Variants in ATP9B observed in about 807,000 individuals in gnomAD.
The protein encoded by ATP9B is ATPase phospholipid transporting 9B, also known as probable phospholipid-transporting ATPase IIB.
A neutral mutation model predicts 146.1 loss-of-function variants in ATP9B; 110 were observed. The observed-to-expected ratio is 0.75, with a 90% CI of 0.65 to 0.88. The LOEUF (loss-of-function observed/expected upper bound fraction) is 0.88. ATP9B is among the 40% of genes least tolerant of loss of function. ATP9B has a pLI of 0.00. For missense variants in ATP9B, 1,499 were observed against 1,496.4 expected, an observed-to-expected ratio of 1.00 and a Z score of -0.03; for synonymous variants, 604 against 569.7, an observed-to-expected ratio of 1.06 and a Z score of -0.86.
chr18:79,343,377 A>G (rs1326259504), intron 20 of ATP9B, among the ~76,000 whole-genome samples: 2 of 152,214 alleles, frequency 1.3e-5, no homozygotes, highest in African/African-American at 2.4e-5. Context: ...GACTATTAAT[A>G]TATCATTTCT....
At chr18:79,196,879 A>G (rs1393576708) in intron 9 of ATP9B, among the ~76,000 whole-genome samples, 3 of 152,236 alleles carry the variant, frequency 2.0e-5, no homozygotes, top group South Asian at 2.1e-4. Context: ...ATAAGATAAT[A>G]AAGTCCGTCA....
chr18:79,114,546 G>A (rs954948361), intron 4 of ATP9B, among the ~76,000 whole-genome samples: 1 of 152,146 alleles, frequency 6.6e-6, no homozygotes, highest in South Asian at 2.1e-4. Flanking sequence ...AGGCTTTCCT[G>A]TTTACCTGTT....
chr18:79,099,261 T>G lies in ATP9B; in HGVS notation c.293+2612T>G, dbSNP rs151034382. On this transcript the variant is annotated intron_variant, in intron 2 of 29. Coordinates refer to ENST00000426216, the MANE Select transcript of ATP9B (RefSeq NM_198531.5). ...TTCTTGAGACGGAGTCTTGCTTTGT[T>G]GCCAGGCTGGAGTGCAGTGGTGTGA... 3.9e-3 allele frequency among the ~76,000 whole-genome samples: 591 copies of G among 152,266 alleles called. 3 individuals carry two copies. Among genetic ancestry groups the G allele is most frequent in the South Asian group, 0.025 (118 of 4,816 alleles).
At position 79,251,237 on chromosome 18, in the gene ATP9B, G is replaced by A. The variant is rs116761892; in HGVS notation, c.1108-2144G>A. Among the ~76,000 whole-genome samples the A allele has an allele frequency of 1.3e-3, 205 of 152,322 alleles. 4 individuals carry two copies. Among genetic ancestry groups the A allele is most frequent in the African/African-American group, 4.8e-3 (201 of 41,568 alleles). On this transcript the variant is annotated intron_variant, in intron 11 of 29. Transcript: ENST00000426216. Reference sequence around the variant, plus strand: ...GGGGCCGCCCCACCCCGCTGAATGCGGCATCCCGTCTGTGTTGGTCATGGA... The same window carrying A: ...GGGGCCGCCCCACCCCGCTGAATGCAGCATCCCGTCTGTGTTGGTCATGGA...
rs78504362 is a variant in ATP9B at position 79,234,032 on chromosome 18, T to G, written c.1108-19349T>G. ...AAGGAGGATTGGTCTTGCTCCCTCC[T>G]TGGACTCTTGCAGTTCAAACCCTTG... On this transcript the variant is annotated intron_variant, in intron 11 of 29. Coordinates refer to ENST00000426216, the MANE Select transcript of ATP9B (RefSeq NM_198531.5). Among the ~76,000 whole-genome samples the G allele has an allele frequency of 7.5e-3, 1,149 of 152,274 alleles. 14 individuals are homozygous for G. Among genetic ancestry groups the G allele is most frequent in the African/African-American group, 0.018 (738 of 41,566 alleles).
intron 7 of ATP9B, among the ~76,000 whole-genome samples, chr18:79,170,026 T>C (rs1291069305): frequency 6.6e-6 from 1 of 152,254 alleles, no homozygotes; most frequent in African/African-American, 2.4e-5. Flanking sequence ...CCCTTGTCTT[T>C]AATGCTTCCG....
chr18:79,226,135 C>T lies in ATP9B; in HGVS notation c.1107+12097C>T, dbSNP rs535966860. Reference sequence around the variant, plus strand: ...CAGTTCACGACAGTGGCCGCTCTGCCGCCCTCTCTTCCTGCTCCCTCCATC... The same window carrying T: ...CAGTTCACGACAGTGGCCGCTCTGCTGCCCTCTCTTCCTGCTCCCTCCATC... On this transcript the variant is annotated intron_variant, in intron 11 of 29. Coordinates refer to ENST00000426216, the MANE Select transcript of ATP9B (RefSeq NM_198531.5). Among the ~76,000 whole-genome samples, 66 of 152,318 alleles carry T rather than the reference C, an allele frequency of 4.3e-4. No homozygotes were observed. The Middle Eastern group carries it at 0.014, about 31-fold the overall frequency.
chr18:79,231,774 GTGTGTATATATATA>G (rs1341214457), intron 11 of ATP9B, among the ~76,000 whole-genome samples: 1 of 79,398 alleles, frequency 1.3e-5, no homozygotes, highest in Non-Finnish European at 2.8e-5. Context: ...AAATGTGTGT[GTGTGTATATATATA>G]TATATATATA....
chr18:79,289,684 C>T (rs928293796), intron 13 of ATP9B, among the ~76,000 whole-genome samples: 8 of 152,190 alleles, frequency 5.3e-5, no homozygotes, highest in South Asian at 2.1e-4. Context: ...GGAGGAGAGG[C>T]GCTCTGCTTT....
intron 12 of ATP9B, among the ~76,000 whole-genome samples, chr18:79,269,993 C>T (rs531275714): frequency 2.0e-5 from 3 of 152,188 alleles, no homozygotes; most frequent in African/African-American, 2.4e-5. Context: ...GGCCTTTAGC[C>T]GGCTCCTGTT....
chr18:79,206,329 C>T (rs2095533365), intron 9 of ATP9B, among the ~76,000 whole-genome samples: 2 of 152,196 alleles, frequency 1.3e-5, no homozygotes. Flanking sequence ...GAAGCATTTT[C>T]TCTGTCGTGA....
At chr18:79,236,101 C>A (rs574413540) in intron 11 of ATP9B, among the ~76,000 whole-genome samples, 131 of 152,272 alleles carry the variant, frequency 8.6e-4, no homozygotes, top group Non-Finnish European at 1.7e-3. Flanking sequence ...TTTTACTCTT[C>A]CCAGCCAAGC....
At chr18:79,373,839 T>C in intron 27 of ATP9B, 59 bp from the exon 28 acceptor site, 1 of 1,582,636 alleles carries the variant, frequency 6.3e-7, no homozygotes, top group South Asian at 1.1e-5. Flanking sequence ...CAAGGCTGTT[T>C]CCTCTAGCTG....
At chr18:79,073,496 C>T (rs923308497) in intron 1 of ATP9B, among the ~76,000 whole-genome samples, 10 of 152,198 alleles carry the variant, frequency 6.6e-5, no homozygotes, top group East Asian at 3.8e-4. Flanking sequence ...GGCGTGGCGG[C>T]GCGCGCCTGC....
chr18:79,337,227 C>T, intron 18 of ATP9B, 52 bp from the exon 19 acceptor site: 2 of 1,602,952 alleles, frequency 1.2e-6, no homozygotes, highest in East Asian at 2.2e-5. Flanking sequence ...CTGTGGAGTC[C>T]ACACACAGCA....
intron 9 of ATP9B, among the ~76,000 whole-genome samples, chr18:79,196,898 TTTAACATC>T (rs1160097966): frequency 6.6e-6 from 1 of 152,184 alleles, no homozygotes; most frequent in Non-Finnish European, 1.5e-5. Context: ...CATAGGAAAC[TTTAACATC>T]TACCTGCAGT....
At chr18:79,243,187 C>T (rs192657655) in intron 11 of ATP9B, among the ~76,000 whole-genome samples, 25 of 152,198 alleles carry the variant, frequency 1.6e-4, no homozygotes, top group Middle Eastern at 3.4e-3. Flanking sequence ...GATGTGTGGG[C>T]GGAACAGAAA....
chr18:79,103,980 T>A (rs2075478394), intron 2 of ATP9B, among the ~76,000 whole-genome samples: 1 of 152,154 alleles, frequency 6.6e-6, no homozygotes, highest in Non-Finnish European at 1.5e-5. Context: ...CTCACCACTA[T>A]TTACAGCCAA....
intron 7 of ATP9B, among the ~76,000 whole-genome samples, chr18:79,166,354 T>G (rs2094964887): frequency 6.6e-6 from 1 of 152,058 alleles, no homozygotes; most frequent in African/African-American, 2.4e-5. Context: ...GGAGCAAATG[T>G]GAAAGGACTC....
Sources: allele counts gnomAD v4.1 joint callset (sites outside exome capture counted in the v4.1 genomes callset), GRCh38; gene constraint gnomAD v4.1.1; transcripts MANE v1.5; gene names NCBI Gene and HGNC (gene_info 2026-07-23, HGNC 2026-07-21).